ATXN8OS: variants seen among roughly 807,000 people sequenced by gnomAD.
The protein encoded by ATXN8OS is ATXN8 opposite strand (non-protein coding).
At chr13:70,146,343 G>A (rs1888786009) in intron 3 of ATXN8OS, among the ~76,000 whole-genome samples, 1 of 150,322 alleles carries the variant, frequency 6.7e-6, no homozygotes, top group Non-Finnish European at 1.5e-5. Flanking sequence ...AACCATTGTG[G>A]AAGTCAGTGT....
At chr13:70,127,300 G>A (rs1306909472) in intron 2 of ATXN8OS, among the ~76,000 whole-genome samples, 1 of 151,962 alleles carries the variant, frequency 6.6e-6, no homozygotes, top group Non-Finnish European at 1.5e-5. Flanking sequence ...TTTAGTAAGA[G>A]TATTGCTAGC....
chr13:70,114,261 C>T (rs1467406668), intron 1 of ATXN8OS, among the ~76,000 whole-genome samples: 1 of 152,096 alleles, frequency 6.6e-6, no homozygotes, highest in African/African-American at 2.4e-5. Flanking sequence ...TGACCCTTTG[C>T]CTTGAAGACT....
intron 4 of ATXN8OS, among the ~76,000 whole-genome samples, chr13:70,164,053 TTCTTATTA>T (rs1566620546): frequency 1.3e-3 from 3 of 2,252 alleles, no homozygotes; most frequent in Admixed American, 0.01. Flanking sequence ...GAAGTTTTTA[TTCTTATTA>T]TTATTATTAT....
chr13:70,146,519 G>A (rs1261497953), intron 3 of ATXN8OS, among the ~76,000 whole-genome samples: 1 of 152,122 alleles, frequency 6.6e-6, no homozygotes, highest in Non-Finnish European at 1.5e-5. Context: ...CAACCCAAAT[G>A]TCCAACAACG....
chr13:70,127,996 T>A (rs914334113), intron 2 of ATXN8OS, among the ~76,000 whole-genome samples: 1 of 152,008 alleles, frequency 6.6e-6, no homozygotes, highest in Non-Finnish European at 1.5e-5. Context: ...TAATGAACAA[T>A]GTTGTTACAT....
At chr13:70,140,979 A>G (rs1270848402) in intron 3 of ATXN8OS, among the ~76,000 whole-genome samples, 1 of 152,140 alleles carries the variant, frequency 6.6e-6, no homozygotes, top group Non-Finnish European at 1.5e-5. Flanking sequence ...CAGTGGATAA[A>G]CTGAGTCTCA....
In ATXN8OS at chr13:70,118,494, A is replaced by T. The variant is rs368322996; in HGVS notation, n.398+3196A>T. On this transcript the variant is annotated intron_variant and non_coding_transcript_variant, in intron 2 of 4. Coordinates refer to ENST00000678624, the Ensembl canonical transcript of ATXN8OS. The stretch of plus-strand genomic sequence containing the variant: ...AAAAAATTTATTCAAATGACATGCT[A>T]GTCACATTTCTGGTTTTGAGTAAGA... Among the ~76,000 whole-genome samples the T allele has an allele frequency of 3.0e-4, 45 of 152,178 alleles. 1 individual carries two copies. In the South Asian group the frequency reaches 5.4e-3, roughly 18 times the overall value.
At chr13:70,158,240 A>C (rs990903646) in intron 4 of ATXN8OS, among the ~76,000 whole-genome samples, 4 of 152,136 alleles carry the variant, frequency 2.6e-5, no homozygotes, top group Non-Finnish European at 5.9e-5. Context: ...CAATATGGTG[A>C]AACCCTGTCT....
chr13:70,165,571 G>T (rs1054252716), intron 4 of ATXN8OS, among the ~76,000 whole-genome samples: 1 of 151,924 alleles, frequency 6.6e-6, no homozygotes, highest in Non-Finnish European at 1.5e-5. Context: ...TTTAAAATTT[G>T]TTAGGATTCA....
intron 3 of ATXN8OS, among the ~76,000 whole-genome samples, chr13:70,130,320 TA>T (rs1419777551): frequency 1.3e-5 from 2 of 152,172 alleles, no homozygotes; most frequent in Non-Finnish European, 2.9e-5. Flanking sequence ...ACCATGACTT[TA>T]AAATTAAGGA....
At chr13:70,107,710 C>T (rs1420624184), upstream of ATXN8OS, 3 of 1,511,710 alleles carry the variant, frequency 2.0e-6, no homozygotes, top group Non-Finnish European at 2.6e-6. Flanking sequence ...GCTTTACGCA[C>T]AGAAGGCAAA....
rs77210608 is a variant in ATXN8OS, at chr13:70,124,813, G to A, written n.399-4971G>A. 3.0e-3 allele frequency among the ~76,000 whole-genome samples: 453 copies of A among 151,816 alleles called. 7 individuals carry two copies. The highest frequency in any genetic ancestry group is 1.0e-2 in the African/African-American group (412 of 41,392). On this transcript the variant is annotated intron_variant and non_coding_transcript_variant, in intron 2 of 4. Coordinates refer to ENST00000678624, the Ensembl canonical transcript of ATXN8OS. ...CTTTGTACACTAATAGTCTAGCTTT[G>A]AAATACAGATATATAATTGCTTGCA... is the stretch of plus-strand genomic sequence containing the variant.
At chr13:70,109,297 A>G (rs1888158821) in intron 1 of ATXN8OS, among the ~76,000 whole-genome samples, 1 of 152,210 alleles carries the variant, frequency 6.6e-6, no homozygotes, top group Non-Finnish European at 1.5e-5. Flanking sequence ...TTAATGAGCC[A>G]TTAAGATAGA....
At chr13:70,155,822 G>A (rs1187146558) in intron 4 of ATXN8OS, among the ~76,000 whole-genome samples, 3 of 148,322 alleles carry the variant, frequency 2.0e-5, no homozygotes, top group Non-Finnish European at 4.4e-5. Flanking sequence ...AAGAAAAAAA[G>A]GATTCCATCT....
At chr13:70,123,507 C>T (rs1566595249) in intron 2 of ATXN8OS, among the ~76,000 whole-genome samples, 1 of 152,064 alleles carries the variant, frequency 6.6e-6, no homozygotes, top group Non-Finnish European at 1.5e-5. Flanking sequence ...GTAAAGGTCA[C>T]CTTGTGAAGG....
chr13:70,153,099 G>T (rs189607444), intron 4 of ATXN8OS, among the ~76,000 whole-genome samples: 1 of 151,528 alleles, frequency 6.6e-6, no homozygotes. Context: ...GATGTAGACC[G>T]GGAGAGAAAG....
chr13:70,169,281 A>G lies in ATXN8OS; in HGVS notation n.574-472A>G, dbSNP rs537684640. The stretch of plus-strand genomic sequence containing the variant: ...CCTAGAAATAAACCTCAGAAGAAAT[A>G]GAAGAAAACGTTTAATCTTTTTGTT... On this transcript the variant is annotated intron_variant and non_coding_transcript_variant, in intron 4 of 4. Coordinates refer to ENST00000678624, the Ensembl canonical transcript of ATXN8OS. Among the ~76,000 whole-genome samples the G allele has an allele frequency of 2.2e-4, 33 of 152,242 alleles. No homozygotes were observed. In the South Asian group the frequency reaches 6.6e-3, roughly 31 times the overall value.
At chr13:70,109,389 T>C (rs1211817536) in intron 1 of ATXN8OS, among the ~76,000 whole-genome samples, 2 of 152,298 alleles carry the variant, frequency 1.3e-5, no homozygotes, top group East Asian at 3.9e-4. Flanking sequence ...TTGTTGTCCA[T>C]TCATGAAATT....
chr13:70,146,362 T>C (rs1326035954), intron 3 of ATXN8OS, among the ~76,000 whole-genome samples: 13 of 150,440 alleles, frequency 8.6e-5, no homozygotes, highest in Middle Eastern at 3.5e-3. Context: ...GTGGCGATTC[T>C]TCAGGGATCT....
Sources: gnomAD v4.1 joint callset for allele counts (sites outside exome capture counted in the v4.1 genomes callset) on GRCh38, gnomAD v4.1.1 for gene constraint, MANE v1.5 for transcripts, NCBI Gene and HGNC (gene_info 2026-07-23, HGNC 2026-07-21) for gene names.